The following LRRK2 variants were observed in gnomAD, a reference collection of about 807,000 sequenced individuals.
LRRK2 encodes leucine rich repeat kinase 2.
Under a neutral mutation model 302.6 loss-of-function variants are expected in LRRK2, and 203 were observed. The observed-to-expected ratio is 0.67, with a 90% CI of 0.60 to 0.75. LRRK2 has a LOEUF of 0.75. LRRK2 is among the 30% of genes least tolerant of loss of function. The pLI is 0.00. For missense variants in LRRK2, 2,830 were observed against 2,951.0 expected (o/e 0.96, Z 0.95); for synonymous variants, 1,066 against 1,031.9 (o/e 1.03, Z -0.63).
At chr12:40,330,555 T>C (rs1422561430) in intron 39 of LRRK2, among the ~76,000 whole-genome samples, 1 of 152,144 alleles carries the variant, frequency 6.6e-6, no homozygotes, top group African/African-American at 2.4e-5. Flanking sequence ...TTGTGAAAAA[T>C]TGTCTTCTGT....
rs1200762202 is a variant in LRRK2 at position 40,232,545 on chromosome 12, C to T, written c.347+162C>T. ...GTCAATGATTTACATTTATAGAGAG[C>T]TTTAAACTCAGAAGTTTGATTTAGA... On this transcript the variant is annotated intron_variant, in intron 3 of 50. Coordinates refer to ENST00000298910, the MANE Select transcript of LRRK2 (RefSeq NM_198578.4). The T allele has an allele frequency of 1.0e-5, 6 of 598,052 alleles. No homozygotes were observed. The Admixed American group carries it at 1.2e-4, about 11-fold the overall frequency. The allele number at this position is 598,052 out of a possible 1,614,324, so 37.0% of individuals were successfully genotyped here. A position where few individuals can be genotyped will look rare whatever the true frequency, so the allele number is the denominator to read the frequency against.
At chr12:40,265,335 A>C (rs1043943497) in intron 14 of LRRK2, among the ~76,000 whole-genome samples, 8 of 152,154 alleles carry the variant, frequency 5.3e-5, no homozygotes, top group Non-Finnish European at 1.2e-4. Flanking sequence ...TCTTTTCTTT[A>C]AACAAGAGAC....
intron 16 of LRRK2, 145 bp downstream of exon 16, chr12:40,275,138 C>A: frequency 2.2e-6 from 2 of 913,048 alleles, no homozygotes; most frequent in Admixed American, 2.0e-5. Flanking sequence ...ATTATACAAG[C>A]AAAGAAAATT....
At chr12:40,234,376 T>TG (rs1941347066) in intron 3 of LRRK2, among the ~76,000 whole-genome samples, 1 of 133,422 alleles carries the variant, frequency 7.5e-6, no homozygotes, top group South Asian at 2.5e-4. Context: ...TCACTTTTTT[T>TG]TTTTTTTTTT....
At chr12:40,277,433 C>G (rs190338751) in intron 16 of LRRK2, among the ~76,000 whole-genome samples, 1 of 152,264 alleles carries the variant, frequency 6.6e-6, no homozygotes, top group Non-Finnish European at 1.5e-5. Flanking sequence ...TTTCGGAAGA[C>G]AGCGCAAAAA....
In LRRK2 at chr12:40,263,787, A is replaced by G; in HGVS notation, c.1544-2A>G. On this transcript the variant is annotated splice_acceptor_variant, in intron 13 of 50. Transcript: ENST00000298910. LOFTEE classifies it high-confidence loss of function. ...TCTTTATTTATTTATCTGTGCATTTAGGCATGCCAGAAGAATCCAGGGAGG... is the reference window on the plus strand; with the variant it reads ...TCTTTATTTATTTATCTGTGCATTTGGGCATGCCAGAAGAATCCAGGGAGG... 6.3e-7 allele frequency: 1 copy of G among 1,591,822 alleles called. No individual in the cohort carries two copies. The highest frequency in any genetic ancestry group is 8.6e-7 in the Non-Finnish European group (1 of 1,160,180).
chr12:40,363,312 A>ACGTG (rs1555196692), intron 47 of LRRK2, 90 bp from the exon 48 acceptor site: 4 of 1,128,802 alleles, frequency 3.5e-6, no homozygotes, highest in African/African-American at 1.6e-5. Flanking sequence ...TAGTGTTTTT[A>ACGTG]CATTAAGAAC....
Position 40,354,355 on chromosome 12 carries a change from G to A in LRRK2, c.6633G>A (p.Lys2211=). The A allele has an allele frequency of 6.2e-7, 1 of 1,614,106 alleles. No individual in the cohort carries two copies. The highest frequency in any genetic ancestry group is 1.3e-5 in the African/African-American group (1 of 75,036). Residue 2211 remains lysine, a synonymous_variant, in exon 45 of 51, where the codon AAG becomes AAA. Coordinates refer to ENST00000298910, the MANE Select transcript of LRRK2 (RefSeq NM_198578.4). ...CLALVHLPVE[K]ESWIVSGTQS... is the part of the protein sequence containing the mutation. ...CCTTGGTGCATCTTCCTGTTGAAAAGGAAAGCTGGATTGTGTCTGGGACAC... is the reference window on the plus strand; with the variant it reads ...CCTTGGTGCATCTTCCTGTTGAAAAAGAAAGCTGGATTGTGTCTGGGACAC...
chr12:40,244,857 C>T (rs140881051), intron 7 of LRRK2, among the ~76,000 whole-genome samples: 2 of 151,648 alleles, frequency 1.3e-5, no homozygotes, highest in East Asian at 3.9e-4. Flanking sequence ...ACATTGTACA[C>T]ATGTACCCTA....
At chr12:40,255,222 G>A (rs1217451154) in intron 11 of LRRK2, among the ~76,000 whole-genome samples, 2 of 152,066 alleles carry the variant, frequency 1.3e-5, no homozygotes, top group Non-Finnish European at 2.9e-5. Flanking sequence ...AATATTTGAG[G>A]CAGTTAAGAA....
intron 20 of LRRK2, among the ~76,000 whole-genome samples, chr12:40,292,144 G>A (rs927582056): frequency 2.0e-5 from 3 of 151,944 alleles, no homozygotes; most frequent in African/African-American, 4.8e-5. Context: ...TCTCAGGAAA[G>A]CCATGAGACT....
intron 13 of LRRK2, 90 bp from the exon 14 acceptor site, chr12:40,263,699 T>G: frequency 1.1e-6 from 1 of 913,564 alleles, no homozygotes. Flanking sequence ...ATTGTGAGAT[T>G]AATTATGACA....
At chr12:40,287,049 T>C (rs1002235816) in intron 19 of LRRK2, among the ~76,000 whole-genome samples, 1 of 152,040 alleles carries the variant, frequency 6.6e-6, no homozygotes, top group African/African-American at 2.4e-5. Context: ...ATGGCATTTC[T>C]ATGACTTGAA....
At chr12:40,356,075 C>A in intron 45 of LRRK2, 40 bp from the exon 46 acceptor site, 1 of 1,412,226 alleles carries the variant, frequency 7.1e-7, no homozygotes, top group Non-Finnish European at 9.9e-7. Context: ...AGTCAACATA[C>A]ATGTTCTTTT....
chr12:40,248,529 G>A (rs1942110553), intron 7 of LRRK2, among the ~76,000 whole-genome samples: 2 of 152,102 alleles, frequency 1.3e-5, no homozygotes, highest in African/African-American at 2.4e-5. Context: ...AATGGGTAGA[G>A]AATTTATTGT....
chr12:40,234,624 G>A (rs866323707), intron 3 of LRRK2, among the ~76,000 whole-genome samples: 27 of 151,704 alleles, frequency 1.8e-4, no homozygotes, highest in South Asian at 2.1e-4. Context: ...TGATCCCCCC[G>A]CCTCGGCGTC....
At chr12:40,349,961 A>G (rs947511129) in intron 43 of LRRK2, among the ~76,000 whole-genome samples, 6 of 152,100 alleles carry the variant, frequency 3.9e-5, no homozygotes, top group African/African-American at 1.4e-4. Flanking sequence ...ATGGCTTGAG[A>G]TTTGTTTTTT....
At chr12:40,317,768 G>A (rs1945269599) in intron 33 of LRRK2, among the ~76,000 whole-genome samples, 1 of 152,070 alleles carries the variant, frequency 6.6e-6, no homozygotes, top group South Asian at 2.1e-4. Context: ...AGGAATGTTA[G>A]GAGCTCTTTT....
intron 43 of LRRK2, among the ~76,000 whole-genome samples, chr12:40,349,505 T>C (rs898761478): frequency 3.4e-5 from 2 of 59,234 alleles, no homozygotes; most frequent in African/African-American, 8.0e-5. Context: ...GTCTTTGTAT[T>C]CTTTTTCTTA....
Sources: gnomAD v4.1 joint callset for allele counts (sites outside exome capture counted in the v4.1 genomes callset) on GRCh38, gnomAD v4.1.1 for gene constraint, MANE v1.5 for transcripts, NCBI Gene and HGNC (gene_info 2026-07-23, HGNC 2026-07-21) for gene names.